Variants in TPRG1 observed in about 807,000 individuals in gnomAD.
The protein encoded by TPRG1 is tumor protein p63-regulated gene 1 protein.
In TPRG1, 29 loss-of-function variants were observed where a neutral mutation model predicts 29.3. That is an observed-to-expected ratio of 0.99 (90% CI 0.74 to 1.35). The LOEUF (loss-of-function observed/expected upper bound fraction) is 1.35. Among genes scored for constraint, TPRG1 ranks in the 40% most tolerant of loss-of-function variants. The pLI is 0.00. For missense variants in TPRG1, 327 were observed against 335.0 expected, an observed-to-expected ratio of 0.98 and a Z score of 0.19; for synonymous variants, 130 against 116.8, an observed-to-expected ratio of 1.11 and a Z score of -0.73.
chr3:189,270,017 A>ATCTTCTTCTTCTTCTTCTTCT (rs72453037), intron 4 of TPRG1, among the ~76,000 whole-genome samples: 30 of 148,812 alleles, frequency 2.0e-4, no homozygotes, highest in African/African-American at 6.7e-4. Flanking sequence ...TCTTCTCTGG[A>ATCTTCTTCTTCTTCTTCTTCT]TCTTCTTCTT....
intron 4 of TPRG1, among the ~76,000 whole-genome samples, chr3:189,248,574 AT>A (rs148359459): frequency 0.018 from 2,667 of 151,416 alleles, 82 homozygotes; most frequent in African/African-American, 0.06. Flanking sequence ...TGTTAGATAT[AT>A]TAAGCTTTCT....
chr3:189,310,952 G>A (rs888473910), intron 5 of TPRG1, among the ~76,000 whole-genome samples: 15 of 152,220 alleles, frequency 9.9e-5, no homozygotes, highest in Middle Eastern at 6.8e-3. Context: ...GTAGTCTCAC[G>A]TCTAAAATGA....
At chr3:189,139,309 C>T (rs565918252) in intron 3 of TPRG1, among the ~76,000 whole-genome samples, 4 of 152,302 alleles carry the variant, frequency 2.6e-5, no homozygotes, top group South Asian at 2.1e-4. Context: ...CTCTGTGTAG[C>T]GGAGATACTG....
chr3:189,219,347 C>T (rs1297746122), intron 3 of TPRG1, among the ~76,000 whole-genome samples: 1 of 151,966 alleles, frequency 6.6e-6, no homozygotes, highest in Non-Finnish European at 1.5e-5. Context: ...AGCCCTAAAC[C>T]TCAGCTAGAT....
intron 1 of TPRG1, among the ~76,000 whole-genome samples, chr3:189,195,766 T>C (rs2108757553): frequency 6.6e-6 from 1 of 152,280 alleles, no homozygotes; most frequent in East Asian, 1.9e-4. Context: ...TTCTTCCTTG[T>C]TGTAGACAGA....
intron 4 of TPRG1, among the ~76,000 whole-genome samples, chr3:189,092,224 G>A (rs1718382814): frequency 6.6e-6 from 1 of 152,078 alleles, no homozygotes; most frequent in Non-Finnish European, 1.5e-5. Flanking sequence ...ATAGCAATAT[G>A]CATACAAACC....
intron 4 of TPRG1, among the ~76,000 whole-genome samples, chr3:189,078,095 T>TTCTC (rs1350887399): frequency 0.018 from 518 of 29,396 alleles, 3 homozygotes; most frequent in Middle Eastern, 0.024. Flanking sequence ...CTTTCTCTCT[T>TTCTC]TCTTTCTTTC....
chr3:189,319,276 A>G (rs1025289215), intron 5 of TPRG1, among the ~76,000 whole-genome samples: 2 of 152,114 alleles, frequency 1.3e-5, no homozygotes, highest in Non-Finnish European at 2.9e-5. Context: ...CCCAGATTCT[A>G]TATCCAGTTG....
At chr3:189,194,276 C>G (rs866677972) in intron 1 of TPRG1, among the ~76,000 whole-genome samples, 11 of 152,078 alleles carry the variant, frequency 7.2e-5, no homozygotes, top group African/African-American at 2.7e-4. Context: ...AGGTATCAAG[C>G]GCTTTGGGGT....
intron 1 of TPRG1, among the ~76,000 whole-genome samples, chr3:189,104,731 A>G (rs1719611985): frequency 6.6e-6 from 1 of 151,756 alleles, no homozygotes; most frequent in African/African-American, 2.4e-5. Context: ...CACAACATAT[A>G]CCCACCTGAA....
chr3:189,188,396 AT>A (rs1304376503), intron 1 of TPRG1, among the ~76,000 whole-genome samples: 1 of 152,118 alleles, frequency 6.6e-6, no homozygotes, highest in Non-Finnish European at 1.5e-5. Context: ...TCAGACCAGC[AT>A]TTTTGAGCCT....
rs137953727 is a variant in TPRG1 at position 189,052,385 on chromosome 3, A to G, written c.-463+28439A>G. 7.4e-3 allele frequency among the ~76,000 whole-genome samples: 1,126 copies of G among 152,338 alleles called. 13 individuals carry two copies. Among genetic ancestry groups the G allele is most frequent in the African/African-American group, 0.026 (1,079 of 41,582 alleles). On this transcript the variant is annotated intron_variant, in intron 4 of 10. Coordinates refer to the TPRG1 transcript ENST00000433971. ...TCAGGGAAATGCAAATCAAAACTAC[A>G]ATGAGATACCACCTTACTCCTGCGA...
intron 3 of TPRG1, among the ~76,000 whole-genome samples, chr3:189,220,164 A>T (rs918042026): frequency 6.6e-6 from 1 of 152,098 alleles, no homozygotes; most frequent in African/African-American, 2.4e-5. Flanking sequence ...TTGCTTTAAT[A>T]TGCCCTTGTT....
At chr3:189,016,747 T>C (rs1216379225) in intron 3 of TPRG1, among the ~76,000 whole-genome samples, 1 of 152,122 alleles carries the variant, frequency 6.6e-6, no homozygotes, top group East Asian at 1.9e-4. Flanking sequence ...CCCTTCATGC[T>C]CTCTTTCTCC....
chr3:189,252,928 C>T (rs2109007983), intron 4 of TPRG1, among the ~76,000 whole-genome samples: 1 of 152,156 alleles, frequency 6.6e-6, no homozygotes, highest in Admixed American at 6.5e-5. Context: ...TAATTAAAAA[C>T]CGGAGACTAT....
chr3:189,225,982 C>G (rs1405024712), intron 3 of TPRG1, among the ~76,000 whole-genome samples: 3 of 151,212 alleles, frequency 2.0e-5, no homozygotes, highest in Non-Finnish European at 4.4e-5. Context: ...ATGTACCAAG[C>G]AATAGAGTTG....
At chr3:189,314,259 G>C (rs937316214) in intron 5 of TPRG1, among the ~76,000 whole-genome samples, 1 of 152,090 alleles carries the variant, frequency 6.6e-6, no homozygotes. Context: ...TAGAAATTTA[G>C]GTCTGAAGCT....
intron 4 of TPRG1, chr3:189,267,484 G>A (rs1304744943): frequency 6.6e-6 from 1 of 152,222 alleles, no homozygotes; most frequent in Non-Finnish European, 1.5e-5. Context: ...GCAACATATT[G>A]TGAGAGCATA....
chr3:189,282,831 A>AG (rs757874743), intron 4 of TPRG1, among the ~76,000 whole-genome samples: 1 of 152,170 alleles, frequency 6.6e-6, no homozygotes, highest in African/African-American at 2.4e-5. Flanking sequence ...AGGATGTGGA[A>AG]GGGGGGATGG....
Sources: gnomAD v4.1 joint callset for allele counts (sites outside exome capture counted in the v4.1 genomes callset) on GRCh38, gnomAD v4.1.1 for gene constraint, MANE v1.5 for transcripts, NCBI Gene and HGNC (gene_info 2026-07-23, HGNC 2026-07-21) for gene names.